ANGPT4: variants seen among roughly 807,000 people sequenced by gnomAD.
ANGPT4 encodes the protein angiopoietin-4.
Under a neutral mutation model 53.0 loss-of-function variants are expected in ANGPT4, and 50 were observed. The observed-to-expected ratio is 0.94, with a 90% CI of 0.75 to 1.20. ANGPT4 has a LOEUF of 1.20. Ranked by LOEUF, ANGPT4 falls within the 50% of genes most tolerant of loss-of-function variation. The pLI, the probability that ANGPT4 is intolerant of heterozygous loss-of-function variation, is 0.00. For synonymous variants in ANGPT4, 251 were observed against 259.7 expected (o/e 0.97, Z 0.32); for missense variants, 648 against 637.1 (o/e 1.02, Z -0.18).
intron 4 of ANGPT4, among the ~76,000 whole-genome samples, chr20:884,778 T>C (rs1272150649): frequency 1.3e-5 from 2 of 151,984 alleles, no homozygotes; most frequent in African/African-American, 4.8e-5. Flanking sequence ...GAGACCAAAC[T>C]TGTCAGTCTG....
chr20:907,813 T>C (rs533749123), intron 1 of ANGPT4, among the ~76,000 whole-genome samples: 71 of 152,282 alleles, frequency 4.7e-4, no homozygotes, highest in Non-Finnish European at 9.4e-4. Flanking sequence ...GGGCAAAGTA[T>C]GTTCTAGACA....
At position 872,537 on chromosome 20, in the gene ANGPT4, T is replaced by A. The variant is rs533875306; in HGVS notation, c.*423A>T. On this transcript the variant is annotated 3_prime_UTR_variant, in exon 9 of 9. Transcript: ENST00000381922. ...AAAATCTTGGAACAGGAGCTTAGAA[T>A]GGGAGATGGCCTTCTTGCCAATCCA... The A allele has an allele frequency of 2.0e-4, 32 of 160,774 alleles. No homozygotes were observed. The highest frequency in any genetic ancestry group is 3.5e-4 in the Non-Finnish European group (26 of 73,332). The allele number at this position is 160,774 out of a possible 1,614,324, so 10.0% of individuals were successfully genotyped here. A position where few individuals can be genotyped will look rare whatever the true frequency, so the allele number is the denominator to read the frequency against.
intron 1 of ANGPT4, among the ~76,000 whole-genome samples, chr20:894,530 C>T (rs1322179709): frequency 6.6e-6 from 1 of 152,094 alleles, no homozygotes; most frequent in East Asian, 1.9e-4. Context: ...ATGTGAGCTC[C>T]CAGGAGATTC....
Position 886,630 on chromosome 20 carries a change from G to T in ANGPT4, c.588-1305C>A, listed in dbSNP as rs571881138. Among the ~76,000 whole-genome samples the T allele has an allele frequency of 6.6e-5, 10 of 152,248 alleles. No individual in the cohort carries two copies. In the East Asian group the frequency reaches 1.9e-3, roughly 29 times the overall value. ...GCTTAGCCTAGACCATCTTAAACAT[G>T]CTTAGAACACTTACATTAGCCTGTG... is the stretch of plus-strand genomic sequence containing the variant. On this transcript the variant is annotated intron_variant, in intron 3 of 8. Transcript: ENST00000381922.
intron 1 of ANGPT4, among the ~76,000 whole-genome samples, chr20:903,568 T>C (rs1982366431): frequency 1.3e-5 from 2 of 152,204 alleles, no homozygotes; most frequent in African/African-American, 4.8e-5. Flanking sequence ...AAACCCTGCC[T>C]TGGGTCCCGT....
chr20:888,861 G>A (rs1027792661), intron 2 of ANGPT4, among the ~76,000 whole-genome samples: 4 of 152,260 alleles, frequency 2.6e-5, no homozygotes, highest in East Asian at 3.9e-4. Flanking sequence ...AAACATGTTT[G>A]CTCTGTTCAA....
At chr20:884,542 G>A (rs1490847659) in intron 4 of ANGPT4, among the ~76,000 whole-genome samples, 1 of 152,224 alleles carries the variant, frequency 6.6e-6, no homozygotes, top group Non-Finnish European at 1.5e-5. Context: ...GAGAGCCTGG[G>A]AGCCCAGCCC....
intron 1 of ANGPT4, among the ~76,000 whole-genome samples, chr20:896,349 T>C (rs962273071): frequency 2.6e-5 from 4 of 152,198 alleles, no homozygotes; most frequent in Non-Finnish European, 4.4e-5. Flanking sequence ...CAGGGTAATA[T>C]GTGGGGTTGG....
At chr20:907,719 G>A (rs889493217) in intron 1 of ANGPT4, among the ~76,000 whole-genome samples, 1 of 152,184 alleles carries the variant, frequency 6.6e-6, no homozygotes, top group Non-Finnish European at 1.5e-5. Context: ...ACCAGGCGGT[G>A]CTTCTGCAAG....
chr20:913,063 A>C (rs376928983), intron 1 of ANGPT4, among the ~76,000 whole-genome samples: 47 of 152,178 alleles, frequency 3.1e-4, no homozygotes, highest in African/African-American at 9.4e-4. Flanking sequence ...GACAGGAAGG[A>C]TCTCCCCTGT....
intron 1 of ANGPT4, among the ~76,000 whole-genome samples, chr20:901,516 G>A (rs1235496923): frequency 2.0e-5 from 3 of 152,112 alleles, no homozygotes. Context: ...TTCGGACTCA[G>A]TCCACCTGCA....
rs1291710919 is a variant in ANGPT4, at chr20:872,163, G to C, written c.*797C>G. 1 of 152,262 alleles carries C rather than the reference G, an allele frequency of 6.6e-6. No homozygotes were observed. The highest frequency in any genetic ancestry group is 2.4e-5 in the African/African-American group (1 of 41,470). 9.4% of individuals were successfully genotyped at this position (152,262 alleles called of 1,614,324 possible). ...GCTCTGATCAGTCCTGCAGTGAAGA[G>C]TGCCTGTTCACTTTGACTTAACCTG... On this transcript the variant is annotated 3_prime_UTR_variant, in exon 9 of 9. Transcript: ENST00000381922.
intron 1 of ANGPT4, among the ~76,000 whole-genome samples, chr20:895,575 T>G (rs930293605): frequency 3.3e-5 from 5 of 151,994 alleles, no homozygotes; most frequent in Non-Finnish European, 5.9e-5. Context: ...AGGGGGTGAT[T>G]CAGACAAATA....
intron 2 of ANGPT4, among the ~76,000 whole-genome samples, chr20:888,938 C>G (rs1981726339): frequency 6.6e-6 from 1 of 152,246 alleles, no homozygotes; most frequent in South Asian, 2.1e-4. Flanking sequence ...CTGCAAGGCC[C>G]TATGGTGTGA....
At chr20:876,025 G>C (rs1323593612) in intron 7 of ANGPT4, among the ~76,000 whole-genome samples, 1 of 151,990 alleles carries the variant, frequency 6.6e-6, no homozygotes, top group East Asian at 1.9e-4. Flanking sequence ...AGCTACTTGG[G>C]AGGCTGAGGT....
In ANGPT4 at chr20:871,317, G is replaced by A. The variant is rs1980932204; in HGVS notation, c.*1643C>T. On this transcript the variant is annotated 3_prime_UTR_variant, in exon 9 of 9. Transcript: ENST00000381922. ...TGGGACTCAGGGCTGGGGCGAGCCA[G>A]GGGGATGAAGGGGTCCCATTCCCAT... 6.6e-6 allele frequency: 1 copy of A among 152,366 alleles called. No homozygotes were observed. The highest frequency in any genetic ancestry group is 2.1e-4 in the South Asian group (1 of 4,836). The allele number at this position is 152,366 out of a possible 1,614,324, so 9.4% of individuals were successfully genotyped here. A position where few individuals can be genotyped will look rare whatever the true frequency, so the allele number is the denominator to read the frequency against.
intron 4 of ANGPT4, among the ~76,000 whole-genome samples, chr20:883,869 A>G (rs3787565): frequency 0.13 from 19,979 of 152,244 alleles, 1,455 homozygotes; most frequent in South Asian, 0.23. Context: ...GTTCAGGTTA[A>G]TCCACATGTC....
intron 5 of ANGPT4, among the ~76,000 whole-genome samples, chr20:880,245 G>A (rs1270897052): frequency 3.3e-5 from 5 of 152,152 alleles, no homozygotes; most frequent in African/African-American, 1.2e-4. Context: ...GCAGGTGTGT[G>A]AGAAGTGTAA....
In ANGPT4 at chr20:889,671, C is replaced by G. The variant is rs78545732; in HGVS notation, c.465+542G>C. Among the ~76,000 whole-genome samples, 758 of 152,226 alleles carry G rather than the reference C, an allele frequency of 5.0e-3. 4 individuals are homozygous for G. The highest frequency in any genetic ancestry group is 7.1e-3 in the Non-Finnish European group (486 of 68,012). The stretch of plus-strand genomic sequence containing the variant: ...TAGGAATGTATGCCTGCTTTGTTTC[C>G]TGCTGTATACTAGACACCAGTCTTC... On this transcript the variant is annotated intron_variant, in intron 2 of 8. Transcript: ENST00000381922.
Sources: allele counts gnomAD v4.1 joint callset (sites outside exome capture counted in the v4.1 genomes callset), GRCh38; gene constraint gnomAD v4.1.1; transcripts MANE v1.5; gene names NCBI Gene and HGNC (gene_info 2026-07-23, HGNC 2026-07-21).